HMGB1: variants seen among roughly 807,000 people sequenced by gnomAD.
HMGB1 encodes high mobility group box 1, also known as high mobility group protein B1.
For missense variants in HMGB1, 79 were observed against 253.5 expected, an observed-to-expected ratio of 0.31 and a Z score of 4.67; for synonymous variants, 81 against 84.0, an observed-to-expected ratio of 0.96 and a Z score of 0.19.
At chr13:30,586,520 C>T (rs1387547575) in intron 1 of HMGB1, among the ~76,000 whole-genome samples, 2 of 121,286 alleles carry the variant, frequency 1.6e-5, no homozygotes, top group African/African-American at 5.9e-5. Flanking sequence ...TGGAGTTTCG[C>T]TCTGTTGCCC....
At chr13:30,465,713 CCCGGCCGCGGGGAT>C (rs904244987) in intron 1 of HMGB1, 69 bp downstream of exon 1, 69 of 756,028 alleles carry the variant, frequency 9.1e-5, no homozygotes, top group South Asian at 1.8e-4. Flanking sequence ...CCCGCCGGCT[CCCGGCCGCGGGGAT>C]CCGGCCGCCG....
At chr13:30,527,613 C>A (rs774955728) in intron 1 of HMGB1, among the ~76,000 whole-genome samples, 1 of 152,014 alleles carries the variant, frequency 6.6e-6, no homozygotes, top group Admixed American at 6.6e-5. Context: ...CAGAAGGCGC[C>A]GATACAGTGT....
At chr13:30,597,649 A>G (rs1405235969) in intron 1 of HMGB1, among the ~76,000 whole-genome samples, 2 of 152,224 alleles carry the variant, frequency 1.3e-5, no homozygotes, top group Non-Finnish European at 2.9e-5. Flanking sequence ...CAGACCCTCT[A>G]TAATCCTCTA....
rs1224684054 is a variant in HMGB1, at chr13:30,474,959, G to GTTTGTT, written c.-14-11266_-14-11265insAACAAA. ...TCTTTTTTTTTTCTTTTCTTTTTTT[G>GTTTGTT]TTTTTTTTTTTTTTTTTTTTTTGAG... is the stretch of plus-strand genomic sequence containing the variant. On this transcript the variant is annotated intron_variant, in intron 1 of 4. Transcript: ENST00000405805. Among the ~76,000 whole-genome samples, 233 of 64,038 alleles carry GTTTGTT rather than the reference G, an allele frequency of 3.6e-3. 63 individuals carry two copies. Among genetic ancestry groups the GTTTGTT allele is most frequent in the East Asian group, 0.019 (34 of 1,766 alleles). The allele number at this position is 64,038 out of a possible 152,430, so 42.0% of individuals were successfully genotyped here. A position where few individuals can be genotyped will look rare whatever the true frequency, so the allele number is the denominator to read the frequency against.
intron 1 of HMGB1, among the ~76,000 whole-genome samples, chr13:30,501,565 G>T (rs565588181): frequency 1.4e-4 from 16 of 113,924 alleles, no homozygotes; most frequent in African/African-American, 4.2e-4. Flanking sequence ...ATTTATAAAT[G>T]CATTAAATAG....
At chr13:30,502,343 C>A (rs958349995) in intron 1 of HMGB1, among the ~76,000 whole-genome samples, 9 of 152,302 alleles carry the variant, frequency 5.9e-5, no homozygotes, top group Admixed American at 4.6e-4. Context: ...CATATGCTCA[C>A]TGGAAAACAT....
At chr13:30,560,864 C>T (rs1011841927) in intron 1 of HMGB1, among the ~76,000 whole-genome samples, 6 of 151,638 alleles carry the variant, frequency 4.0e-5, no homozygotes, top group African/African-American at 4.8e-5. Context: ...GGTTGAAGAG[C>T]GATGGACATT....
intron 1 of HMGB1, among the ~76,000 whole-genome samples, chr13:30,541,315 G>A (rs1449269224): frequency 6.8e-6 from 1 of 146,482 alleles, no homozygotes; most frequent in East Asian, 1.9e-4. Context: ...GCAACGTAGC[G>A]AGACTCCATC....
intron 1 of HMGB1, among the ~76,000 whole-genome samples, chr13:30,605,982 A>G (rs916383086): frequency 6.6e-6 from 1 of 152,174 alleles, no homozygotes; most frequent in African/African-American, 2.4e-5. Context: ...GAAAATTAAA[A>G]ATATATTCTC....
At chr13:30,513,609 C>G (rs1888039016) in intron 1 of HMGB1, among the ~76,000 whole-genome samples, 1 of 152,208 alleles carries the variant, frequency 6.6e-6, no homozygotes, top group Non-Finnish European at 1.5e-5. Flanking sequence ...GAGCCTCAGG[C>G]CTGTATGTCC....
chr13:30,612,519 G>A (rs904991441), intron 1 of HMGB1, among the ~76,000 whole-genome samples: 1 of 152,154 alleles, frequency 6.6e-6, no homozygotes, highest in African/African-American at 2.4e-5. Context: ...AGTTACTAAA[G>A]CATATCCTCC....
At chr13:30,608,664 C>T (rs1950483679) in intron 1 of HMGB1, among the ~76,000 whole-genome samples, 1 of 152,192 alleles carries the variant, frequency 6.6e-6, no homozygotes, top group African/African-American at 2.4e-5. Flanking sequence ...CTCTCTTACA[C>T]AGTAAATGTA....
intron 1 of HMGB1, among the ~76,000 whole-genome samples, chr13:30,578,039 T>A (rs1322366804): frequency 6.6e-6 from 1 of 152,028 alleles, no homozygotes; most frequent in Non-Finnish European, 1.5e-5. Context: ...CTCATCCACA[T>A]GGAGGTAAGC....
upstream of HMGB1, among the ~76,000 whole-genome samples, chr13:30,470,688 G>A (rs371337631): frequency 3.9e-5 from 6 of 151,926 alleles, no homozygotes; most frequent in Admixed American, 1.3e-4. Flanking sequence ...TCACTCAGTC[G>A]TCCAGGTTGG....
chr13:30,463,900 T>C, intron 1 of HMGB1: 1 of 486,660 alleles, frequency 2.1e-6, no homozygotes, highest in Non-Finnish European at 3.5e-6. Flanking sequence ...ACAAAAACAG[T>C]CCTTCAGGGC....
chr13:30,584,901 A>T (rs1424847073), intron 1 of HMGB1, among the ~76,000 whole-genome samples: 1 of 152,146 alleles, frequency 6.6e-6, no homozygotes, highest in Non-Finnish European at 1.5e-5. Context: ...TAATCCTAGC[A>T]TAGTGGAAGG....
intron 1 of HMGB1, among the ~76,000 whole-genome samples, chr13:30,560,895 G>A (rs1869920279): frequency 6.6e-6 from 1 of 151,880 alleles, no homozygotes; most frequent in Non-Finnish European, 1.5e-5. Context: ...TCTTAGACCA[G>A]TAGAGGCTGG....
intron 1 of HMGB1, among the ~76,000 whole-genome samples, chr13:30,593,018 T>G (rs914363078): frequency 6.6e-6 from 1 of 152,240 alleles, no homozygotes; most frequent in African/African-American, 2.4e-5. Context: ...TATGTCCATA[T>G]GTACCTAAGG....
At chr13:30,487,614 T>C (rs1260231709) in intron 1 of HMGB1, among the ~76,000 whole-genome samples, 2 of 152,240 alleles carry the variant, frequency 1.3e-5, no homozygotes, top group East Asian at 1.9e-4. Flanking sequence ...AATGACTTTT[T>C]TCCCCCTTAC....
Sources: allele counts gnomAD v4.1 joint callset (sites outside exome capture counted in the v4.1 genomes callset), GRCh38; gene constraint gnomAD v4.1.1; transcripts MANE v1.5; gene names NCBI Gene and HGNC (gene_info 2026-07-23, HGNC 2026-07-21).